The following TPRG1 variants were observed in gnomAD, a reference collection of about 807,000 sequenced individuals.
The protein encoded by TPRG1 is tumor protein p63 regulated 1.
Under a neutral mutation model 29.3 loss-of-function variants are expected in TPRG1, and 29 were observed. The observed-to-expected ratio is 0.99, with a 90% confidence interval of 0.74 to 1.35. The LOEUF is 1.35. TPRG1 is among the 40% of genes most tolerant of loss of function. TPRG1 has a pLI of 0.00. For missense variants in TPRG1, 327 were observed against 335.0 expected (o/e 0.98, Z 0.19); for synonymous variants, 130 against 116.8 (o/e 1.11, Z -0.73).
chr3:189,043,430 A>T (rs950047335), intron 4 of TPRG1, among the ~76,000 whole-genome samples: 5 of 152,134 alleles, frequency 3.3e-5, no homozygotes, highest in African/African-American at 1.2e-4. Context: ...CAGTTTTTCC[A>T]TTCACACAAA....
At chr3:189,307,163 C>T (rs1428380552) in intron 4 of TPRG1, among the ~76,000 whole-genome samples, 5 of 152,168 alleles carry the variant, frequency 3.3e-5, no homozygotes, top group Admixed American at 6.5e-5. Flanking sequence ...GTTGGGATTA[C>T]AGGCTCCCAC....
chr3:189,282,779 A>G (rs1717388433), intron 4 of TPRG1, among the ~76,000 whole-genome samples: 1 of 152,082 alleles, frequency 6.6e-6, no homozygotes, highest in African/African-American at 2.4e-5. Flanking sequence ...ACTGCTTTTC[A>G]CTCTGCTGGC....
intron 4 of TPRG1, among the ~76,000 whole-genome samples, chr3:189,306,144 A>T (rs1319487238): frequency 6.6e-6 from 1 of 152,168 alleles, no homozygotes; most frequent in Non-Finnish European, 1.5e-5. Context: ...TATACCCTGC[A>T]TAGAGAATGT....
intron 3 of TPRG1, among the ~76,000 whole-genome samples, chr3:189,007,189 C>G (rs973228404): frequency 6.6e-6 from 1 of 151,800 alleles, no homozygotes; most frequent in African/African-American, 2.4e-5. Context: ...TGAACTCAAC[C>G]AAATTTACAA....
At chr3:189,148,375 T>A (rs1453132615) in intron 4 of TPRG1, among the ~76,000 whole-genome samples, 1 of 152,196 alleles carries the variant, frequency 6.6e-6, no homozygotes, top group Non-Finnish European at 1.5e-5. Context: ...AACACGTGGT[T>A]ACAACTGAAT....
At chr3:189,124,540 T>TTGTG (rs139080058) in intron 1 of TPRG1, among the ~76,000 whole-genome samples, 50 of 150,070 alleles carry the variant, frequency 3.3e-4, no homozygotes, top group African/African-American at 9.6e-4. Flanking sequence ...ACAAAGGACT[T>TTGTG]TGTGTGTGTG....
chr3:189,261,490 CT>C (rs1713038262), intron 4 of TPRG1, among the ~76,000 whole-genome samples: 1 of 151,934 alleles, frequency 6.6e-6, no homozygotes, highest in Non-Finnish European at 1.5e-5. Context: ...GAAGGCAGCT[CT>C]TTTAACTGTA....
At chr3:189,187,932 A>G (rs1249380367) in intron 1 of TPRG1, among the ~76,000 whole-genome samples, 3 of 152,190 alleles carry the variant, frequency 2.0e-5, no homozygotes, top group Admixed American at 6.6e-5. Context: ...TTGATATATC[A>G]CCCACAATGT....
At chr3:189,303,212 TG>T (rs1721104693) in intron 4 of TPRG1, among the ~76,000 whole-genome samples, 1 of 152,180 alleles carries the variant, frequency 6.6e-6, no homozygotes, top group Admixed American at 6.5e-5. Flanking sequence ...AAAATCTGGG[TG>T]TTTTTTTGGA....
chr3:189,250,547 A>G (rs1370605257), intron 4 of TPRG1, among the ~76,000 whole-genome samples: 1 of 115,876 alleles, frequency 8.6e-6, no homozygotes, highest in Admixed American at 1.3e-4. Context: ...TTAACATGGA[A>G]CTAAGTAGAC....
intron 4 of TPRG1, among the ~76,000 whole-genome samples, chr3:189,051,883 G>C (rs114381613): frequency 6.6e-6 from 1 of 152,174 alleles, no homozygotes; most frequent in African/African-American, 2.4e-5. Flanking sequence ...GGAGTGATTG[G>C]CTAGCCACAT....
At chr3:189,049,688 A>T (rs1380382455) in intron 4 of TPRG1, among the ~76,000 whole-genome samples, 1 of 152,194 alleles carries the variant, frequency 6.6e-6, no homozygotes, top group Non-Finnish European at 1.5e-5. Context: ...CCCAAGGCTA[A>T]CCAGCACAAA....
At chr3:189,211,205 A>C (rs1243133579) in intron 2 of TPRG1, among the ~76,000 whole-genome samples, 2 of 152,208 alleles carry the variant, frequency 1.3e-5, no homozygotes, top group Non-Finnish European at 2.9e-5. Context: ...TAGTTTCATA[A>C]TATCCAACTA....
chr3:189,184,901 T>C (rs1289258383), intron 1 of TPRG1, among the ~76,000 whole-genome samples: 2 of 152,226 alleles, frequency 1.3e-5, no homozygotes, highest in African/African-American at 4.8e-5. Flanking sequence ...GGATCTTACC[T>C]AGTGGAGCTT....
At chr3:189,041,694 G>A (rs1714645064) in intron 4 of TPRG1, among the ~76,000 whole-genome samples, 1 of 152,168 alleles carries the variant, frequency 6.6e-6, no homozygotes, top group Non-Finnish European at 1.5e-5. Flanking sequence ...CCCTCTGGTG[G>A]CAGGAGAGAA....
chr3:189,254,798 T>G (rs1333448972), intron 4 of TPRG1, among the ~76,000 whole-genome samples: 1 of 152,154 alleles, frequency 6.6e-6, no homozygotes, highest in Non-Finnish European at 1.5e-5. Flanking sequence ...TGATTCAGAG[T>G]TTGCTCATGA....
At chr3:189,116,062 T>G (rs1306910216) in intron 1 of TPRG1, among the ~76,000 whole-genome samples, 1 of 152,206 alleles carries the variant, frequency 6.6e-6, no homozygotes, top group Admixed American at 6.5e-5. Context: ...ATAGCCAGTA[T>G]GGGCAACAGT....
chr3:189,297,765 A>G (rs1228266962), intron 4 of TPRG1, among the ~76,000 whole-genome samples: 1 of 152,200 alleles, frequency 6.6e-6, no homozygotes, highest in African/African-American at 2.4e-5. Flanking sequence ...TTCAAAGAGC[A>G]TATCGTGCTG....
chr3:189,018,336 T>C (rs1713074453), intron 3 of TPRG1, among the ~76,000 whole-genome samples: 1 of 149,828 alleles, frequency 6.7e-6, no homozygotes, highest in Non-Finnish European at 1.5e-5. Context: ...AATGCCTAGG[T>C]TTTCTTCTGG....
Sources: allele counts gnomAD v4.1 joint callset (sites outside exome capture counted in the v4.1 genomes callset), GRCh38; gene constraint gnomAD v4.1.1; transcripts MANE v1.5; gene names NCBI Gene and HGNC (gene_info 2026-07-23, HGNC 2026-07-21).